Variants in DOK6 observed in about 807,000 individuals in gnomAD.
The protein encoded by DOK6 is downstream of tyrosine kinase 6.
Under a neutral mutation model 44.0 loss-of-function variants are expected in DOK6, and 22 were observed. The observed-to-expected ratio is 0.50, with a 90% confidence interval of 0.36 to 0.71. DOK6 has a LOEUF of 0.71. DOK6 is among the 30% of genes least tolerant of loss of function. The probability of loss-of-function intolerance (pLI) is 0.00; values close to 1 mark genes in which losing one functional copy is unlikely to be tolerated. For missense variants in DOK6, 340 were observed against 416.4 expected (o/e 0.82, Z 1.60); for synonymous variants, 166 against 145.5 (o/e 1.14, Z -1.01).
At chr18:69,617,726 A>AGATAG (rs1377399642) in intron 3 of DOK6, among the ~76,000 whole-genome samples, 4 of 115,842 alleles carry the variant, frequency 3.5e-5, no homozygotes, top group Admixed American at 1.0e-4. Flanking sequence ...AAAGAAAGAA[A>AGATAG]AAAGGGGGAA....
Position 69,669,465 on chromosome 18 carries a change from G to C in DOK6, c.290-8269G>C, listed in dbSNP as rs533924433. Among the ~76,000 whole-genome samples, 13 of 152,336 alleles carry C rather than the reference G, an allele frequency of 8.5e-5. No homozygotes were observed. The East Asian group carries it at 2.1e-3, about 25-fold the overall frequency. ...TTTTTATGGCTGCGCAGTATTTCAT[G>C]ATGTAAGCTATACAACTGGAAGACT... is the stretch of plus-strand genomic sequence containing the variant. On this transcript the variant is annotated intron_variant, in intron 3 of 7. Coordinates refer to ENST00000382713, the MANE Select transcript of DOK6 (RefSeq NM_152721.6).
intron 1 of DOK6, among the ~76,000 whole-genome samples, chr18:69,430,747 A>C (rs112106537): frequency 6.6e-6 from 1 of 152,142 alleles, no homozygotes; most frequent in African/African-American, 2.4e-5. Flanking sequence ...CTGGTGGATC[A>C]CCTGAGTTCA....
intron 5 of DOK6, among the ~76,000 whole-genome samples, chr18:69,724,334 G>A (rs779661113): frequency 1.6e-4 from 24 of 152,266 alleles, no homozygotes; most frequent in Non-Finnish European, 3.2e-4. Context: ...ATATTGCTTA[G>A]GAGCAGACAA....
At chr18:69,714,627 G>C (rs967940499) in intron 5 of DOK6, among the ~76,000 whole-genome samples, 1 of 151,972 alleles carries the variant, frequency 6.6e-6, no homozygotes, top group Non-Finnish European at 1.5e-5. Flanking sequence ...ATATTTTTTA[G>C]CAATATATCT....
chr18:69,699,386 C>T (rs1308933586), intron 5 of DOK6, among the ~76,000 whole-genome samples: 1 of 152,084 alleles, frequency 6.6e-6, no homozygotes, highest in Non-Finnish European at 1.5e-5. Flanking sequence ...TTCTTAAAAA[C>T]TGCTAAATAT....
In DOK6 at chr18:69,470,782, C is replaced by T. The variant is rs1980076984; in HGVS notation, c.66+69472C>T. ...AAGATGCTGGTAAACGAGCAGAAAA[C>T]AAAGCGTAAGAAATTTTCATTCGCT... is the stretch of plus-strand genomic sequence containing the variant. On this transcript the variant is annotated intron_variant, in intron 1 of 7. Coordinates refer to ENST00000382713, the MANE Select transcript of DOK6 (RefSeq NM_152721.6). Among the ~76,000 whole-genome samples the T allele has an allele frequency of 2.0e-5, 3 of 152,154 alleles. No individual in the cohort carries two copies. In the South Asian group the frequency reaches 6.2e-4, roughly 31 times the overall value.
chr18:69,684,942 T>G (rs549142933), intron 4 of DOK6, among the ~76,000 whole-genome samples: 1 of 152,190 alleles, frequency 6.6e-6, no homozygotes, highest in South Asian at 2.1e-4. Flanking sequence ...ACAAGGAACT[T>G]TATTGGCATA....
chr18:69,472,858 T>G (rs1980154270), intron 1 of DOK6, among the ~76,000 whole-genome samples: 1 of 152,216 alleles, frequency 6.6e-6, no homozygotes, highest in Non-Finnish European at 1.5e-5. Context: ...TTCAAAAACT[T>G]TATAAGAAAC....
chr18:69,525,080 G>A (rs1292563141), intron 1 of DOK6, among the ~76,000 whole-genome samples: 2 of 151,628 alleles, frequency 1.3e-5, no homozygotes, highest in Admixed American at 6.6e-5. Flanking sequence ...ATTCATTTTA[G>A]ATGGATAGGT....
chr18:69,456,320 C>T (rs1249478662), intron 1 of DOK6, among the ~76,000 whole-genome samples: 2 of 151,940 alleles, frequency 1.3e-5, no homozygotes, highest in Non-Finnish European at 2.9e-5. Context: ...CTCCCTTTCC[C>T]CTCTAGTGTC....
chr18:69,649,147 G>C (rs574953230), intron 3 of DOK6, among the ~76,000 whole-genome samples: 25 of 152,318 alleles, frequency 1.6e-4, no homozygotes, highest in Middle Eastern at 3.4e-3. Context: ...CCTGAGGCAG[G>C]AAAGGGACAC....
At chr18:69,423,550 A>G (rs1378344561) in intron 1 of DOK6, among the ~76,000 whole-genome samples, 2 of 152,240 alleles carry the variant, frequency 1.3e-5, no homozygotes, top group Admixed American at 6.5e-5. Context: ...CAACAAACAT[A>G]TAATTATCCT....
At chr18:69,403,502 A>T (rs962389850) in intron 1 of DOK6, among the ~76,000 whole-genome samples, 1 of 152,232 alleles carries the variant, frequency 6.6e-6, no homozygotes, top group African/African-American at 2.4e-5. Context: ...TGCAGCCTTC[A>T]TAGAAAACAA....
chr18:69,680,083 C>T (rs1400706836), intron 4 of DOK6, among the ~76,000 whole-genome samples: 2 of 152,062 alleles, frequency 1.3e-5, no homozygotes, highest in East Asian at 3.9e-4. Flanking sequence ...GTTTAATAAT[C>T]CTAACTTCAA....
intron 5 of DOK6, among the ~76,000 whole-genome samples, chr18:69,712,729 C>A (rs1377707828): frequency 6.6e-6 from 1 of 152,108 alleles, no homozygotes; most frequent in Non-Finnish European, 1.5e-5. Flanking sequence ...CACCTGTAGT[C>A]CCAGCTACTC....
intron 1 of DOK6, among the ~76,000 whole-genome samples, chr18:69,442,058 A>C (rs760010721): frequency 4.6e-5 from 7 of 152,176 alleles, no homozygotes; most frequent in Non-Finnish European, 1.0e-4. Context: ...GGATAATTCC[A>C]AATTGTGTAC....
At position 69,650,817 on chromosome 18, in the gene DOK6, AT is replaced by A. The variant is rs535400104; in HGVS notation, c.290-26910del. Reference sequence around the variant, plus strand: ...AAAAAATTTGTCTTCCAACTCCATCATTTTTTTCATGCTGCTATTACTGCTT... The same window carrying A: ...AAAAAATTTGTCTTCCAACTCCATCATTTTTTCATGCTGCTATTACTGCTT... On this transcript the variant is annotated intron_variant, in intron 3 of 7. Transcript: ENST00000382713. Among the ~76,000 whole-genome samples, 16 of 151,970 alleles carry A rather than the reference AT, an allele frequency of 1.1e-4. No individual in the cohort carries two copies. In the South Asian group the frequency reaches 3.1e-3, roughly 30 times the overall value.
chr18:69,584,523 C>CTCAA (rs1253532608), intron 2 of DOK6, among the ~76,000 whole-genome samples: 1 of 152,156 alleles, frequency 6.6e-6, no homozygotes, highest in African/African-American at 2.4e-5. Flanking sequence ...AACTCCTGAC[C>CTCAA]TCAAGCAGTC....
chr18:69,681,387 GTGAAAGATAATGTGTGT>G (rs1158395672), intron 4 of DOK6, among the ~76,000 whole-genome samples: 1 of 152,186 alleles, frequency 6.6e-6, no homozygotes. Flanking sequence ...ATTTTTAAAG[GTGAAAGATAATGTGTGT>G]TGCTGAGATA....
Sources: gnomAD v4.1 joint callset for allele counts (sites outside exome capture counted in the v4.1 genomes callset) on GRCh38, gnomAD v4.1.1 for gene constraint, MANE v1.5 for transcripts, NCBI Gene and HGNC (gene_info 2026-07-23, HGNC 2026-07-21) for gene names.